The following CACNA1B variants were observed in gnomAD, a reference collection of about 807,000 sequenced individuals.
CACNA1B encodes calcium voltage-gated channel subunit alpha1 B, also known as voltage-dependent N-type calcium channel subunit alpha-1B.
A neutral mutation model predicts 247.2 loss-of-function variants in CACNA1B; 70 were observed. The ratio of observed to expected loss-of-function variants is 0.28; its 90% CI spans 0.23 to 0.35. The LOEUF (loss-of-function observed/expected upper bound fraction) is 0.35, where lower values mean the gene tolerates loss of function less well. Ranked by LOEUF, CACNA1B falls within the 10% of genes least tolerant of loss-of-function variation. CACNA1B has a pLI of 1.00. For synonymous variants in CACNA1B, 1,231 were observed against 1,294.4 expected, an observed-to-expected ratio of 0.95 and a Z score of 1.05; for missense variants, 2,367 against 3,197.4, an observed-to-expected ratio of 0.74 and a Z score of 6.26.
chr9:138,002,509 A>G (rs1200554287), intron 15 of CACNA1B, among the ~76,000 whole-genome samples: 2 of 150,902 alleles, frequency 1.3e-5, no homozygotes, highest in African/African-American at 4.9e-5. Context: ...CTTAAGTTCA[A>G]GGTCAGCCTG....
At chr9:137,995,577 T>C (rs1438319399) in intron 15 of CACNA1B, among the ~76,000 whole-genome samples, 1 of 152,134 alleles carries the variant, frequency 6.6e-6, no homozygotes, top group African/African-American at 2.4e-5. Context: ...ACCATAACAA[T>C]TATAAAGATA....
chr9:138,037,192 T>A (rs1047871127), intron 20 of CACNA1B, among the ~76,000 whole-genome samples: 2 of 152,238 alleles, frequency 1.3e-5, no homozygotes, highest in African/African-American at 4.8e-5. Flanking sequence ...GTGTATTCTG[T>A]TACCTGGTAA....
chr9:138,105,358 C>T (rs947257841), intron 38 of CACNA1B, among the ~76,000 whole-genome samples: 8 of 152,204 alleles, frequency 5.3e-5, no homozygotes, highest in African/African-American at 1.9e-4. Flanking sequence ...TGCTCCTCCT[C>T]CCCAGCCAAG....
In CACNA1B at chr9:138,029,937, T is replaced by G. The variant is rs7041247; in HGVS notation, c.3286+4765T>G. On this transcript the variant is annotated intron_variant, in intron 20 of 46. Coordinates refer to ENST00000371372, the MANE Select transcript of CACNA1B (RefSeq NM_000718.4). ...GCCCATTTTCATCAAATTTCAAAATTAACTATGTAATTTTGGCTTATATTT... is the reference window on the plus strand; with the variant it reads ...GCCCATTTTCATCAAATTTCAAAATGAACTATGTAATTTTGGCTTATATTT... 1.2e-3 allele frequency among the ~76,000 whole-genome samples: 176 copies of G among 152,088 alleles called. 1 individual carries two copies. Among genetic ancestry groups the G allele is most frequent in the African/African-American group, 3.9e-3 (163 of 41,360 alleles).
rs1391476456 is a variant in CACNA1B, at chr9:138,118,956, A to G, written c.6030+188A>G. Reference sequence around the variant, plus strand: ...CCTGTCTGGGCGCCGACAGAGGTGCAGCCTGGACGCCTTCAGCCCCTGAGG... The same window carrying G: ...CCTGTCTGGGCGCCGACAGAGGTGCGGCCTGGACGCCTTCAGCCCCTGAGG... On this transcript the variant is annotated intron_variant, in intron 44 of 46. Transcript: ENST00000371372. 2.0e-5 allele frequency among the ~76,000 whole-genome samples: 3 copies of G among 152,192 alleles called. No homozygotes were observed. In the East Asian group the frequency reaches 5.8e-4, roughly 29 times the overall value.
chr9:138,014,795 G>C lies in CACNA1B; in HGVS notation c.2267+1560G>C, dbSNP rs957059042. ...GCCTGCCGGCCCTGCCTCCTCCTGG[G>C]GGTATGGGAGGGTGTCCACTCCCAT... is the stretch of plus-strand genomic sequence containing the variant. On this transcript the variant is annotated intron_variant, in intron 18 of 46. Transcript: ENST00000371372. This position sits in a 1 kb window ranked among gnomAD's most constrained non-coding sequence, Gnocchi z 6.2. Among the ~76,000 whole-genome samples the C allele has an allele frequency of 6.6e-6, 1 of 151,796 alleles. No individual in the cohort carries two copies. Among genetic ancestry groups the C allele is most frequent in the African/African-American group, 2.4e-5 (1 of 41,288 alleles).
chr9:138,003,348 AT>A (rs1564232417), intron 15 of CACNA1B, among the ~76,000 whole-genome samples: 1 of 149,154 alleles, frequency 6.7e-6, no homozygotes, highest in Non-Finnish European at 1.5e-5. Context: ...CATTAAAAAA[AT>A]TTTTTTGTAG....
intron 6 of CACNA1B, among the ~76,000 whole-genome samples, chr9:137,938,388 T>A (rs1248273222): frequency 6.6e-6 from 1 of 152,168 alleles, no homozygotes; most frequent in Non-Finnish European, 1.5e-5. Context: ...AGTAGTATGA[T>A]GACTAGAATA....
chr9:137,986,620 C>A lies in CACNA1B; in HGVS notation c.1901+76C>A. ...AGAGCTCAGAGCAGACGGTGCCGCC[C>A]AGGCTGCCTCCACCCACCTTCCCAC... On this transcript the variant is annotated intron_variant, in intron 14 of 46. Transcript: ENST00000371372. This position sits in a 1 kb window ranked among gnomAD's most constrained non-coding sequence, Gnocchi z 6.0. 2 of 1,562,054 alleles carry A rather than the reference C, an allele frequency of 1.3e-6. No homozygotes were observed. The highest frequency in any genetic ancestry group is 1.8e-6 in the Non-Finnish European group (2 of 1,136,548).
chr9:137,878,288 C>T, intron 1 of CACNA1B, 71 bp downstream of exon 1: 1 of 1,157,374 alleles, frequency 8.6e-7, no homozygotes, highest in South Asian at 4.2e-5. Context: ...GGGCCATCTT[C>T]CCGGTGGCCG....
chr9:138,049,934 G>A, intron 24 of CACNA1B: 1 of 481,114 alleles, frequency 2.1e-6, no homozygotes. Context: ...GGGGAGTTGT[G>A]GGGTGAGATC....
chr9:138,049,406 G>T, intron 24 of CACNA1B, 91 bp downstream of exon 24: 1 of 813,612 alleles, frequency 1.2e-6, no homozygotes, highest in Admixed American at 2.0e-5. Flanking sequence ...GCCCTCTTGT[G>T]GGCTTCCCTG....
chr9:137,897,418 A>G (rs984241070), intron 3 of CACNA1B, among the ~76,000 whole-genome samples: 146 of 152,168 alleles, frequency 9.6e-4, no homozygotes, highest in African/African-American at 3.5e-3. Flanking sequence ...CATCTCTACT[A>G]AAAATACAAA....
At position 137,980,057 on chromosome 9, in the gene CACNA1B, T is replaced by A. The variant is rs149265496; in HGVS notation, c.1656+4038T>A. On this transcript the variant is annotated intron_variant, in intron 12 of 46. Coordinates refer to ENST00000371372, the MANE Select transcript of CACNA1B (RefSeq NM_000718.4). ...ACTCCCTTTGCTTTTCCATGAAAGG[T>A]AGTTCAGGTTTTCAGCTGAATGGTT... is the stretch of plus-strand genomic sequence containing the variant. 1.4e-3 allele frequency among the ~76,000 whole-genome samples: 220 copies of A among 152,304 alleles called. No homozygotes were observed. The East Asian group carries it at 0.032, about 22-fold the overall frequency.
intron 36 of CACNA1B, among the ~76,000 whole-genome samples, chr9:138,086,545 A>C (rs72769091): frequency 0.17 from 25,336 of 150,938 alleles, 2,856 homozygotes; most frequent in East Asian, 0.39. Flanking sequence ...CTTTAAGAAA[A>C]AAAATTTTAG....
At position 138,122,386 on chromosome 9, in the gene CACNA1B, G is replaced by A. The variant is rs202225008; in HGVS notation, c.*387G>A. 31 of 220,748 alleles carry A rather than the reference G, an allele frequency of 1.4e-4. No individual in the cohort carries two copies. The highest frequency in any genetic ancestry group is 5.7e-4 in the African/African-American group (25 of 44,140). 13.7% of individuals were successfully genotyped at this position (220,748 alleles called of 1,614,324 possible). The stretch of plus-strand genomic sequence containing the variant: ...TGTGGGGAGCACCCTTCACGTGGCC[G>A]TGCGGCACAGAGAAGCAGGGCCCAC... On this transcript the variant is annotated 3_prime_UTR_variant, in exon 47 of 47. Transcript: ENST00000371372.
Position 138,122,087 on chromosome 9 carries a change from CGGGGGA to C in CACNA1B, c.*91_*96del. 8.0e-7 allele frequency: 1 copy of C among 1,256,156 alleles called. No individual in the cohort carries two copies. The highest frequency in any genetic ancestry group is 1.1e-6 in the Non-Finnish European group (1 of 925,466). 77.8% of individuals were successfully genotyped at this position (1,256,156 alleles called of 1,614,324 possible). A position where few individuals can be genotyped will look rare whatever the true frequency, so the allele number is the denominator to read the frequency against. On this transcript the variant is annotated 3_prime_UTR_variant, in exon 47 of 47. Coordinates refer to ENST00000371372, the MANE Select transcript of CACNA1B (RefSeq NM_000718.4). ...TCATCCACACGGGGCAGCCGGCCCT[CGGGGGA>C]GGCCTTGCCCACCTTGGTGAGGCTC...
Position 138,121,038 on chromosome 9 carries a change from G to A in CACNA1B, c.6489+157G>A, listed in dbSNP as rs1227155800. On this transcript the variant is annotated intron_variant, in intron 46 of 46. Coordinates refer to ENST00000371372, the MANE Select transcript of CACNA1B (RefSeq NM_000718.4). This position sits in a 1 kb window ranked among gnomAD's most constrained non-coding sequence, Gnocchi z 6.8. ...GCGCTCCCCTCTGTGCCCTGTCCCG[G>A]AGCCCACGTCTGCAGCCTACCCCAG... 6.6e-6 allele frequency among the ~76,000 whole-genome samples: 1 copy of A among 152,082 alleles called. No individual in the cohort carries two copies. Among genetic ancestry groups the A allele is most frequent in the African/African-American group, 2.4e-5 (1 of 41,396 alleles).
intron 36 of CACNA1B, among the ~76,000 whole-genome samples, chr9:138,094,198 T>C (rs1960976102): frequency 6.6e-6 from 1 of 152,154 alleles, no homozygotes; most frequent in Admixed American, 6.5e-5. Context: ...TGATTCCACT[T>C]ATATAAGTTA....
Sources: gnomAD v4.1 joint callset for allele counts (sites outside exome capture counted in the v4.1 genomes callset) on GRCh38, gnomAD v4.1.1 for gene constraint, Gnocchi (gnomAD v3.1) non-coding constraint, MANE v1.5 for transcripts, NCBI Gene and HGNC (gene_info 2026-07-23, HGNC 2026-07-21) for gene names.